The following LTBP1 variants were observed in gnomAD, a reference collection of about 807,000 sequenced individuals.
LTBP1 encodes the protein latent transforming growth factor beta binding protein 1, also known as latent-transforming growth factor beta-binding protein 1.
In LTBP1, 129 loss-of-function variants were observed where a neutral mutation model predicts 207.6. The ratio of observed to expected loss-of-function variants is 0.62; its 90% CI spans 0.54 to 0.72. The LOEUF is 0.72. Among genes scored for constraint, LTBP1 ranks in the 30% least tolerant of loss-of-function variants. The pLI is 0.00. For synonymous variants in LTBP1, 963 were observed against 833.7 expected, an observed-to-expected ratio of 1.16 and a Z score of -2.67; for missense variants, 2,281 against 2,217.2, an observed-to-expected ratio of 1.03 and a Z score of -0.58.
Position 33,342,958 on chromosome 2 carries a change from G to A in LTBP1, c.3851G>A (p.Cys1284Tyr), listed in dbSNP as rs2149686516. ...CAAGCCCCACAGGATGGGCAAGGGT[G>A]TGTGGGTGAGTTTTTAGATTTTTTC... is the stretch of plus-strand genomic sequence containing the variant. The part of the protein sequence containing the change: ...GFQAPQDGQG[C>Y]VDVNECELLS... Residue 1284 changes from cysteine (C) to tyrosine (Y), a missense_variant, in exon 25 of 34, where the codon TGT becomes TAT. By Grantham distance (194) the Cys-to-Tyr change is radical. Around this residue, in one of 3 missense-constraint regions of LTBP1, gnomAD observed 1,671 missense variants for 1,634.8 expected, o/e 1.02. Coordinates refer to ENST00000404816, the MANE Select transcript of LTBP1 (RefSeq NM_206943.4). 6.2e-7 allele frequency: 1 copy of A among 1,609,180 alleles called. No homozygotes were observed. Among genetic ancestry groups the A allele is most frequent in the Non-Finnish European group, 8.5e-7 (1 of 1,177,716 alleles).
chr2:33,228,157 A>G (rs925094272), intron 9 of LTBP1, among the ~76,000 whole-genome samples: 4 of 152,160 alleles, frequency 2.6e-5, no homozygotes, highest in Non-Finnish European at 5.9e-5. Context: ...AATGACTTAC[A>G]AATAAAACCA....
chr2:33,369,582 G>T (rs1464223264), intron 31 of LTBP1, among the ~76,000 whole-genome samples: 1 of 151,920 alleles, frequency 6.6e-6, no homozygotes, highest in Non-Finnish European at 1.5e-5. Context: ...TTTTTTGACA[G>T]AGTCTCGCTC....
intron 11 of LTBP1, among the ~76,000 whole-genome samples, chr2:33,256,350 C>T (rs1229916667): frequency 6.6e-6 from 1 of 152,086 alleles, no homozygotes; most frequent in Non-Finnish European, 1.5e-5. Context: ...AACACTTCCC[C>T]TTTTCCGTCC....
At chr2:33,027,586 C>A (rs998355838) in intron 3 of LTBP1, among the ~76,000 whole-genome samples, 1 of 152,092 alleles carries the variant, frequency 6.6e-6, no homozygotes, top group African/African-American at 2.4e-5. Flanking sequence ...CCTGTAATCC[C>A]AGCACTTTTG....
At chr2:33,292,944 G>A (rs1391068973) in intron 19 of LTBP1, among the ~76,000 whole-genome samples, 1 of 152,066 alleles carries the variant, frequency 6.6e-6, no homozygotes, top group Non-Finnish European at 1.5e-5. Flanking sequence ...ATTTGGTTCC[G>A]AGTTACTTTC....
At chr2:33,364,479 A>G in intron 30 of LTBP1, 123 bp downstream of exon 30, 3 of 824,530 alleles carry the variant, frequency 3.6e-6, no homozygotes, top group Non-Finnish European at 5.6e-6. Context: ...AATAACTAAA[A>G]TGAGATACAA....
intron 7 of LTBP1, among the ~76,000 whole-genome samples, chr2:33,216,494 A>G (rs953183187): frequency 4.6e-5 from 7 of 152,152 alleles, no homozygotes; most frequent in African/African-American, 7.2e-5. Context: ...AGATCATTCT[A>G]GAGTGTGCCA....
intron 10 of LTBP1, among the ~76,000 whole-genome samples, chr2:33,245,026 G>A (rs552337179): frequency 4.6e-5 from 7 of 152,216 alleles, no homozygotes; most frequent in African/African-American, 1.7e-4. Flanking sequence ...TTATGGGCAT[G>A]TGCTACCACG....
intron 31 of LTBP1, among the ~76,000 whole-genome samples, chr2:33,387,086 C>T (rs1368374491): frequency 2.6e-5 from 4 of 152,154 alleles, no homozygotes; most frequent in South Asian, 2.1e-4. Context: ...CCTTGACCTG[C>T]GTCATGAGCC....
chr2:33,254,852 G>GTTT (rs70938393), intron 11 of LTBP1, among the ~76,000 whole-genome samples: 797 of 10,348 alleles, frequency 0.077, 91 homozygotes, highest in East Asian at 0.21. Flanking sequence ...GCGGTGTTTG[G>GTTT]TTTTTTTTTT....
intron 5 of LTBP1, among the ~76,000 whole-genome samples, chr2:33,151,603 C>G (rs774213975): frequency 6.6e-6 from 1 of 152,080 alleles, no homozygotes; most frequent in Non-Finnish European, 1.5e-5. Flanking sequence ...AGTCTTTCAT[C>G]CCTTGCCCCA....
chr2:32,953,313 C>T (rs41489951), intron 2 of LTBP1, among the ~76,000 whole-genome samples: 8,240 of 152,246 alleles, frequency 0.054, 509 homozygotes, highest in East Asian at 0.25. Context: ...GGCTTGGCAT[C>T]GTGCTTGCCA....
intron 33 of LTBP1, 80 bp from the exon 34 acceptor site, chr2:33,398,284 G>C: frequency 7.5e-7 from 1 of 1,339,038 alleles, no homozygotes. Context: ...CGGGGGAAGG[G>C]CCTCAGGTAA....
At chr2:33,332,479 C>G (rs2094507279) in intron 24 of LTBP1, among the ~76,000 whole-genome samples, 1 of 149,998 alleles carries the variant, frequency 6.7e-6, no homozygotes, top group Admixed American at 6.6e-5. Context: ...CATTTATCAA[C>G]CAGTGTTAAT....
intron 32 of LTBP1, among the ~76,000 whole-genome samples, chr2:33,389,588 A>C (rs1247267302): frequency 6.6e-6 from 1 of 152,146 alleles, no homozygotes; most frequent in East Asian, 1.9e-4. Flanking sequence ...AACAAACAAA[A>C]AGAACCATTG....
chr2:33,282,258 T>C (rs981787175), intron 19 of LTBP1, among the ~76,000 whole-genome samples: 16 of 152,122 alleles, frequency 1.1e-4, no homozygotes, highest in Non-Finnish European at 1.5e-4. Flanking sequence ...ATGTATTTCC[T>C]ATTGTTAAAT....
intron 2 of LTBP1, among the ~76,000 whole-genome samples, chr2:32,964,913 A>G (rs922463148): frequency 4.6e-5 from 7 of 151,986 alleles, no homozygotes; most frequent in Admixed American, 4.6e-4. Flanking sequence ...GGTGGCGTGC[A>G]CCTGTAGTCC....
At chr2:32,998,431 G>T (rs567870603) in intron 2 of LTBP1, among the ~76,000 whole-genome samples, 7 of 137,446 alleles carry the variant, frequency 5.1e-5, no homozygotes, top group African/African-American at 1.6e-4. Flanking sequence ...CAGGAGAATC[G>T]CTTGAACCCA....
chr2:33,196,613 A>T (rs893167442), intron 7 of LTBP1, among the ~76,000 whole-genome samples: 1 of 152,186 alleles, frequency 6.6e-6, no homozygotes, highest in Non-Finnish European at 1.5e-5. Context: ...GAAGACAAGG[A>T]TGATGAAGAA....
Sources: gnomAD v4.1 joint callset for allele counts (sites outside exome capture counted in the v4.1 genomes callset) on GRCh38, gnomAD v4.1.1 for gene constraint, gnomAD v4.1.1 regional missense constraint, MANE v1.5 for transcripts, NCBI Gene and HGNC (gene_info 2026-07-23, HGNC 2026-07-21) for gene names.